NRG2: variants seen among roughly 807,000 people sequenced by gnomAD.
NRG2 encodes pro-neuregulin-2, membrane-bound isoform.
Under a neutral mutation model 73.9 loss-of-function variants are expected in NRG2, and 27 were observed. That is an observed-to-expected ratio of 0.37 (90% CI 0.27 to 0.50). The LOEUF is 0.50. Ranked by LOEUF, NRG2 falls within the 20% of genes least tolerant of loss-of-function variation. The probability of loss-of-function intolerance (pLI) is 0.96; values close to 1 mark genes in which losing one functional copy is unlikely to be tolerated. For missense variants in NRG2, 1,126 were observed against 1,210.1 expected (o/e 0.93, Z 1.03); for synonymous variants, 532 against 541.0 (o/e 0.98, Z 0.23).
At position 139,954,843 on chromosome 5, in the gene NRG2, CT is replaced by C. The variant is rs1754497978; in HGVS notation, c.701-67333del. Reference sequence around the variant, plus strand: ...TTTTGTAAGGATAAATTAGAAAATGCTTGGAACAGAGCCTGGCACACAGTAA... The same window carrying C: ...TTTTGTAAGGATAAATTAGAAAATGCTGGAACAGAGCCTGGCACACAGTAA... On this transcript the variant is annotated intron_variant, in intron 1 of 9. Transcript: ENST00000361474. The surrounding 1 kb of genome is among the most constrained non-coding windows in gnomAD (Gnocchi z 5.0). 6.6e-6 allele frequency among the ~76,000 whole-genome samples: 1 copy of C among 152,168 alleles called. No homozygotes were observed. The highest frequency in any genetic ancestry group is 1.5e-5 in the Non-Finnish European group (1 of 68,036).
chr5:139,983,966 C>G (rs963822069), intron 1 of NRG2, among the ~76,000 whole-genome samples: 1 of 152,178 alleles, frequency 6.6e-6, no homozygotes, highest in Non-Finnish European at 1.5e-5. Context: ...GCGCCAGGAT[C>G]ATAGAAACAT....
At chr5:140,036,374 C>T (rs893724682) in intron 1 of NRG2, among the ~76,000 whole-genome samples, 2 of 152,212 alleles carry the variant, frequency 1.3e-5, no homozygotes, top group African/African-American at 4.8e-5. Flanking sequence ...ACAGAATGTC[C>T]TTTCATGTCA....
intron 1 of NRG2, among the ~76,000 whole-genome samples, chr5:139,974,850 C>T (rs1300637384): frequency 3.3e-5 from 5 of 152,170 alleles, no homozygotes; most frequent in Non-Finnish European, 7.3e-5. Flanking sequence ...TGCTTCTGGT[C>T]CACAGCTTTA....
intron 1 of NRG2, among the ~76,000 whole-genome samples, chr5:139,942,318 A>C (rs1753460631): frequency 6.6e-6 from 1 of 152,236 alleles, no homozygotes; most frequent in South Asian, 2.1e-4. Context: ...GTAGATAAAT[A>C]ATACAATGAA....
chr5:139,871,361 G>C (rs561099899), intron 4 of NRG2, among the ~76,000 whole-genome samples: 13 of 152,184 alleles, frequency 8.5e-5, no homozygotes, highest in African/African-American at 2.2e-4. Context: ...GGAAAAGAGG[G>C]GGGGAAAGAG....
intron 1 of NRG2, among the ~76,000 whole-genome samples, chr5:139,974,459 A>T (rs1365323101): frequency 6.6e-6 from 1 of 152,206 alleles, no homozygotes; most frequent in Non-Finnish European, 1.5e-5. Context: ...TCTGGCAAAC[A>T]GGGGAGCTTG....
intron 1 of NRG2, among the ~76,000 whole-genome samples, chr5:140,037,647 C>T (rs1299296518): frequency 6.6e-6 from 1 of 151,832 alleles, no homozygotes; most frequent in African/African-American, 2.4e-5. Flanking sequence ...CGGTGGCTCA[C>T]GCCTGTAATC....
chr5:139,888,117 C>G (rs868157058), intron 1 of NRG2, among the ~76,000 whole-genome samples: 1 of 142,846 alleles, frequency 7.0e-6, no homozygotes, highest in Non-Finnish European at 1.5e-5. Context: ...AACAAAACAA[C>G]ACACACACAC....
chr5:139,866,275 C>A (rs1445026705), intron 4 of NRG2, among the ~76,000 whole-genome samples: 1 of 152,176 alleles, frequency 6.6e-6, no homozygotes, highest in African/African-American at 2.4e-5. Flanking sequence ...TGTACCTTCA[C>A]CTATGAAAGA....
At position 139,925,367 on chromosome 5, in the gene NRG2, C is replaced by T. The variant is rs368356599; in HGVS notation, c.701-37856G>A. Among the ~76,000 whole-genome samples, 228 of 152,282 alleles carry T rather than the reference C, an allele frequency of 1.5e-3. 4 individuals are homozygous for T. The highest frequency in any genetic ancestry group is 2.0e-3 in the Non-Finnish European group (138 of 68,034). On this transcript the variant is annotated intron_variant, in intron 1 of 9. Coordinates refer to ENST00000361474, the MANE Select transcript of NRG2 (RefSeq NM_004883.3). ...ACTGGACACTCATGAGGCCTGAAAACGCGGTGCTGGGGGGACCTTCCTCTA... is the reference window on the plus strand; with the variant it reads ...ACTGGACACTCATGAGGCCTGAAAATGCGGTGCTGGGGGGACCTTCCTCTA...
intron 1 of NRG2, among the ~76,000 whole-genome samples, chr5:140,029,117 A>G (rs1213229110): frequency 1.3e-5 from 2 of 152,222 alleles, no homozygotes; most frequent in Non-Finnish European, 2.9e-5. Context: ...GAGCCCCTCA[A>G]TTCCCAGGAC....
intron 1 of NRG2, among the ~76,000 whole-genome samples, chr5:139,891,475 A>G (rs2127142272): frequency 6.6e-6 from 1 of 152,294 alleles, no homozygotes; most frequent in South Asian, 2.1e-4. Context: ...AACCCTATCT[A>G]GTTCACCTGT....
intron 1 of NRG2, among the ~76,000 whole-genome samples, chr5:139,933,516 T>C (rs542983632): frequency 6.6e-6 from 1 of 152,254 alleles, no homozygotes; most frequent in Admixed American, 6.5e-5. Context: ...AATTTAATAA[T>C]AGAAGAGTCA....
At chr5:140,014,675 CCACCACCATGTCT>C (rs1388031472) in intron 1 of NRG2, among the ~76,000 whole-genome samples, 2 of 152,192 alleles carry the variant, frequency 1.3e-5, no homozygotes, top group Non-Finnish European at 2.9e-5. Flanking sequence ...ATACACCAAG[CCACCACCATGTCT>C]CACCAGATTT....
intron 1 of NRG2, among the ~76,000 whole-genome samples, chr5:139,998,625 A>C (rs754719830): frequency 6.6e-5 from 10 of 152,202 alleles, no homozygotes; most frequent in Non-Finnish European, 1.5e-4. Context: ...ACAGAACTCT[A>C]GTCACCAAAA....
At position 139,868,722 on chromosome 5, in the gene NRG2, AG is replaced by A. The variant is rs753025980; in HGVS notation, c.1112+2998del. ...CATGTGTGCTGCCCTCACCCGGGGG[AG>A]GGGGTGGATGAAGGATGGCGGTGTG... On this transcript the variant is annotated intron_variant, in intron 4 of 9. Coordinates refer to ENST00000361474, the MANE Select transcript of NRG2 (RefSeq NM_004883.3). The surrounding 1 kb of genome is among the most constrained non-coding windows in gnomAD (Gnocchi z 4.2). Among the ~76,000 whole-genome samples the A allele has an allele frequency of 8.5e-4, 128 of 151,136 alleles. No homozygotes were observed. Among genetic ancestry groups the A allele is most frequent in the Non-Finnish European group, 1.6e-3 (110 of 67,790 alleles).
intron 1 of NRG2, among the ~76,000 whole-genome samples, chr5:139,898,287 C>A (rs373325033): frequency 1.3e-5 from 2 of 152,266 alleles, no homozygotes; most frequent in African/African-American, 4.8e-5. Context: ...ACTCATGGAA[C>A]TGAGAGGAAT....
rs1362816127 is a variant in NRG2, at chr5:139,988,161, GAGGATGTGGAGC to G, written c.700+54197_700+54208del. Among the ~76,000 whole-genome samples the G allele has an allele frequency of 9.2e-5, 14 of 151,586 alleles. 1 individual carries two copies. The highest frequency in any genetic ancestry group is 3.2e-4 in the African/African-American group (13 of 41,050). On this transcript the variant is annotated intron_variant, in intron 1 of 9. Transcript: ENST00000361474. ...GAACATGACAACACCAAATGCTGGT[GAGGATGTGGAGC>G]AACAGGAATTCTGGTTCATTGCTGG...
chr5:139,853,014 G>T lies in NRG2; in HGVS notation c.1306C>A (p.Gln436Lys), dbSNP rs1315658632. The T allele has an allele frequency of 6.2e-7, 1 of 1,613,506 alleles. No homozygotes were observed. The highest frequency in any genetic ancestry group is 8.5e-7 in the Non-Finnish European group (1 of 1,179,792). Residue 436 changes from glutamine (Q) to lysine (K), a missense_variant, in exon 7 of 10, where the codon CAG (glutamine) becomes AAG (lysine). Physicochemically the swap from Gln to Lys is moderately conservative, Grantham distance 53 (BLOSUM62 1). Coordinates refer to ENST00000361474, the MANE Select transcript of NRG2 (RefSeq NM_004883.3). The surrounding 1 kb of genome is among the most constrained non-coding windows in gnomAD (Gnocchi z 4.1). ...AYCKTKKQRK[Q>K]MHNHLRQNMC... ...TTCTGCCGGAGGTGGTTGTGCATCT[G>T]CTTCCGCTGTTTTCTGCACAAGGGA... is the stretch of plus-strand genomic sequence containing the variant.
Sources: gnomAD v4.1 joint callset for allele counts (sites outside exome capture counted in the v4.1 genomes callset) on GRCh38, gnomAD v4.1.1 for gene constraint, Gnocchi (gnomAD v3.1) non-coding constraint, MANE v1.5 for transcripts, NCBI Gene and HGNC (gene_info 2026-07-23, HGNC 2026-07-21) for gene names.